DAGLA: variants seen among roughly 807,000 people sequenced by gnomAD.
DAGLA encodes the protein diacylglycerol lipase-alpha.
A neutral mutation model predicts 102.6 loss-of-function variants in DAGLA; 22 were observed. That is an observed-to-expected ratio of 0.21 (90% CI 0.15 to 0.31). The LOEUF is 0.31. Ranked by LOEUF, DAGLA falls within the 10% of genes least tolerant of loss-of-function variation. DAGLA has a pLI of 1.00. For missense variants in DAGLA, 927 were observed against 1,446.6 expected, an observed-to-expected ratio of 0.64 and a Z score of 5.83; for synonymous variants, 578 against 628.9, an observed-to-expected ratio of 0.92 and a Z score of 1.21.
rs986713792 is a variant in DAGLA, at chr11:61,686,741, G to A, written c.-45+6237G>A. On this transcript the variant is annotated intron_variant, in intron 1 of 19. Coordinates refer to ENST00000257215, the MANE Select transcript of DAGLA (RefSeq NM_006133.3). The surrounding 1 kb of genome is among the most constrained non-coding windows in gnomAD (Gnocchi z 5.2). ...CGAATTCATCCTGAATGGGCCCCTC[G>A]TCATTGTCTCTCCTGGAGCCATTTA... Among the ~76,000 whole-genome samples, 6 of 152,174 alleles carry A rather than the reference G, an allele frequency of 3.9e-5. No individual in the cohort carries two copies. Among genetic ancestry groups the A allele is most frequent in the East Asian group, 1.9e-4 (1 of 5,194 alleles).
intron 1 of DAGLA, among the ~76,000 whole-genome samples, chr11:61,719,908 G>C (rs541639603): frequency 3.5e-4 from 53 of 152,334 alleles, no homozygotes; most frequent in African/African-American, 1.2e-3. Flanking sequence ...GAGACTCCAG[G>C]GGGAAGGCTG....
intron 1 of DAGLA, among the ~76,000 whole-genome samples, chr11:61,702,745 C>T (rs1416238497): frequency 6.6e-6 from 1 of 152,206 alleles, no homozygotes; most frequent in Non-Finnish European, 1.5e-5. Flanking sequence ...GGATGCTGTA[C>T]AGAGGTGGAC....
intron 1 of DAGLA, among the ~76,000 whole-genome samples, chr11:61,707,081 C>G (rs1028452821): frequency 6.6e-6 from 1 of 152,246 alleles, no homozygotes; most frequent in Non-Finnish European, 1.5e-5. Flanking sequence ...GGCACCAGCC[C>G]CTGGTTGACA....
chr11:61,703,662 A>G (rs2511229), intron 1 of DAGLA, among the ~76,000 whole-genome samples: 129,977 of 151,782 alleles, frequency 0.86, 56,284 homozygotes, highest in East Asian at 0.98. Context: ...GTGAGTGGGT[A>G]GATGGAGGAT....
At chr11:61,713,878 A>G (rs2065214161) in intron 1 of DAGLA, among the ~76,000 whole-genome samples, 1 of 152,208 alleles carries the variant, frequency 6.6e-6, no homozygotes, top group African/African-American at 2.4e-5. Context: ...GGACCACGAG[A>G]GCATAGCAGG....
At chr11:61,694,891 C>T (rs1287021488) in intron 1 of DAGLA, among the ~76,000 whole-genome samples, 1 of 152,108 alleles carries the variant, frequency 6.6e-6, no homozygotes, top group Non-Finnish European at 1.5e-5. Flanking sequence ...CAGGAAGAAC[C>T]ATGGAGAGGG....
At chr11:61,729,076 C>A in intron 8 of DAGLA, 68 bp downstream of exon 8, 3 of 1,405,468 alleles carry the variant, frequency 2.1e-6, no homozygotes, top group South Asian at 2.3e-5. Flanking sequence ...ATGACCTAAG[C>A]AAACTCCTCC....
chr11:61,691,780 G>C (rs1275583394), intron 1 of DAGLA, among the ~76,000 whole-genome samples: 1 of 152,256 alleles, frequency 6.6e-6, no homozygotes, highest in African/African-American at 2.4e-5. Flanking sequence ...AGGCCAGACG[G>C]TCTGGCTGCC....
chr11:61,742,250 A>G (rs2065486970), intron 19 of DAGLA, among the ~76,000 whole-genome samples: 1 of 152,124 alleles, frequency 6.6e-6, no homozygotes, highest in Non-Finnish European at 1.5e-5. Flanking sequence ...GGGCACGCAC[A>G]TGGGGGCCAC....
rs1456456847 is a variant in DAGLA, at chr11:61,737,171, T to C, written c.1372-11T>C. 2.5e-6 allele frequency: 4 copies of C among 1,613,360 alleles called. No individual in the cohort carries two copies. ...TTGGGGCAGGGCTCTCAGGCTTCTCTCGGTCTCCAGGGCCGCGGAACCAAA... is the reference window on the plus strand; with the variant it reads ...TTGGGGCAGGGCTCTCAGGCTTCTCCCGGTCTCCAGGGCCGCGGAACCAAA... On this transcript the variant is annotated splice_polypyrimidine_tract_variant and intron_variant, in intron 13 of 19. Transcript: ENST00000257215.
chr11:61,738,338 GTGGGAACTT>G, intron 16 of DAGLA, 131 bp downstream of exon 16: 3 of 716,112 alleles, frequency 4.2e-6, no homozygotes, highest in Non-Finnish European at 6.9e-6. Context: ...GGCTGGTGTT[GTGGGAACTT>G]CAGGAAGTCA....
At position 61,731,302 on chromosome 11, in the gene DAGLA, C is replaced by T; in HGVS notation, c.850-15C>T. 3 of 1,613,038 alleles carry T rather than the reference C, an allele frequency of 1.9e-6. No homozygotes were observed. Among genetic ancestry groups the T allele is most frequent in the Non-Finnish European group, 8.5e-7 (1 of 1,179,540 alleles). ...AAGGGCAGGAGGTGACCGCCCTCTG[C>T]CTCCTCTCTTCTAGCAAGAGATGCT... is the stretch of plus-strand genomic sequence containing the variant. On this transcript the variant is annotated splice_polypyrimidine_tract_variant and intron_variant, in intron 8 of 19. Transcript: ENST00000257215.
At chr11:61,711,544 C>T (rs890817911) in intron 1 of DAGLA, among the ~76,000 whole-genome samples, 3 of 152,162 alleles carry the variant, frequency 2.0e-5, no homozygotes, top group Non-Finnish European at 2.9e-5. Flanking sequence ...CCAGCCTGGT[C>T]GCCAGGGAAG....
At chr11:61,736,040 C>A (rs76312140) in intron 12 of DAGLA, among the ~76,000 whole-genome samples, 1 of 152,252 alleles carries the variant, frequency 6.6e-6, no homozygotes, top group East Asian at 1.9e-4. Flanking sequence ...GAGGCAGCTG[C>A]GGAGAGATCA....
chr11:61,697,073 T>G (rs1392306238), intron 1 of DAGLA, among the ~76,000 whole-genome samples: 1 of 152,146 alleles, frequency 6.6e-6, no homozygotes, highest in African/African-American at 2.4e-5. Context: ...GACCCTGGCA[T>G]GGTTCGGTCT....
chr11:61,683,089 G>A (rs1040276272), intron 1 of DAGLA, among the ~76,000 whole-genome samples: 1 of 152,230 alleles, frequency 6.6e-6, no homozygotes, highest in Non-Finnish European at 1.5e-5. Flanking sequence ...GCCCCATGGC[G>A]CTGGAAGTCC....
chr11:61,688,831 C>T (rs1458560454), intron 1 of DAGLA, among the ~76,000 whole-genome samples: 2 of 152,230 alleles, frequency 1.3e-5, no homozygotes, highest in African/African-American at 2.4e-5. Context: ...TTCCGGAAAG[C>T]GACGGGGCCA....
intron 1 of DAGLA, among the ~76,000 whole-genome samples, chr11:61,701,580 G>A (rs1477503171): frequency 6.6e-6 from 1 of 152,198 alleles, no homozygotes; most frequent in Non-Finnish European, 1.5e-5. Flanking sequence ...GAGTATTGCT[G>A]AGGCTTGTTC....
At chr11:61,719,686 T>C (rs756981349) in intron 1 of DAGLA, among the ~76,000 whole-genome samples, 1 of 152,218 alleles carries the variant, frequency 6.6e-6, no homozygotes, top group Non-Finnish European at 1.5e-5. Flanking sequence ...TGGGTGGGCT[T>C]GTTCTTGGTC....
Sources: allele counts gnomAD v4.1 joint callset (sites outside exome capture counted in the v4.1 genomes callset), GRCh38; gene constraint gnomAD v4.1.1; non-coding constraint Gnocchi (gnomAD v3.1); transcripts MANE v1.5; gene names NCBI Gene and HGNC (gene_info 2026-07-23, HGNC 2026-07-21).